KLF5: variants seen among roughly 807,000 people sequenced by gnomAD.
The protein encoded by KLF5 is Krueppel-like factor 5.
Under a neutral mutation model 36.9 loss-of-function variants are expected in KLF5, and 9 were observed. The observed-to-expected ratio is 0.24, with a 90% CI of 0.15 to 0.43. KLF5 has a LOEUF of 0.43. Ranked by LOEUF, KLF5 falls within the 20% of genes least tolerant of loss-of-function variation. The probability of loss-of-function intolerance (pLI) is 1.00; values close to 1 mark genes in which losing one functional copy is unlikely to be tolerated. For synonymous variants in KLF5, 246 were observed against 241.7 expected (o/e 1.02, Z -0.17); for missense variants, 524 against 599.5 (o/e 0.87, Z 1.31).
In KLF5 at chr13:73,061,843, A is replaced by G; in HGVS notation, c.262-18A>G. The G allele has an allele frequency of 2.5e-6, 4 of 1,604,552 alleles. No homozygotes were observed. Among genetic ancestry groups the G allele is most frequent in the Non-Finnish European group, 2.6e-6 (3 of 1,173,110 alleles). ...GTGAATCAGGTGGATTATGCATTTTATATCTCTTCTTTTTTAGACAAGATG... is the reference window on the plus strand; with the variant it reads ...GTGAATCAGGTGGATTATGCATTTTGTATCTCTTCTTTTTTAGACAAGATG... On this transcript the variant is annotated intron_variant, in intron 1 of 3. Transcript: ENST00000377687.
chr13:73,057,661 T>C (rs1301473340), upstream of KLF5, among the ~76,000 whole-genome samples: 2 of 152,206 alleles, frequency 1.3e-5, no homozygotes, highest in Non-Finnish European at 1.5e-5. Flanking sequence ...CTCTTTGAAG[T>C]GAACGTTTTT....
At chr13:73,060,204 G>T (rs2044623886) in intron 1 of KLF5, among the ~76,000 whole-genome samples, 1 of 148,806 alleles carries the variant, frequency 6.7e-6, no homozygotes, top group South Asian at 2.2e-4. Context: ...TTTTCTTCGT[G>T]TGCACGTAAA....
chr13:73,064,793 C>T (rs956958524), intron 3 of KLF5, among the ~76,000 whole-genome samples: 3 of 152,182 alleles, frequency 2.0e-5, no homozygotes, highest in Non-Finnish European at 2.9e-5. Flanking sequence ...CCACCTGCCT[C>T]GGCCTCCCAA....
intron 1 of KLF5, among the ~76,000 whole-genome samples, chr13:73,060,965 G>A (rs2044630564): frequency 6.6e-6 from 1 of 152,132 alleles, no homozygotes; most frequent in African/African-American, 2.4e-5. Flanking sequence ...AAGAAGATAA[G>A]GGATGACTGA....
chr13:73,068,088 G>A (rs979649651), intron 3 of KLF5, among the ~76,000 whole-genome samples: 20 of 151,678 alleles, frequency 1.3e-4, no homozygotes, highest in African/African-American at 4.6e-4. Flanking sequence ...TGATCCACCC[G>A]CCCCAGCCTC....
upstream of KLF5, among the ~76,000 whole-genome samples, chr13:73,057,235 TTAAG>T (rs1316748631): frequency 6.6e-5 from 10 of 152,232 alleles, no homozygotes; most frequent in African/African-American, 2.4e-4. Flanking sequence ...GTTATCAGAA[TTAAG>T]TAACTAAAAA....
rs2044641179 is a variant in KLF5, at chr13:73,062,144, C to T, written c.545C>T (p.Pro182Leu). 5 of 1,614,114 alleles carry T rather than the reference C, an allele frequency of 3.1e-6. No individual in the cohort carries two copies. Among genetic ancestry groups the T allele is most frequent in the Non-Finnish European group, 4.2e-6 (5 of 1,180,024 alleles). Residue 182 changes from proline (P) to leucine (L), a missense_variant, in exon 2 of 4, where the codon CCG becomes CTG. Physicochemically the swap from Pro to Leu is moderately conservative, Grantham distance 98. Transcript: ENST00000377687. ...QSETTAPPPA[P>L]TQALPEFTSI... Reference sequence around the variant, plus strand: ...GAAACGACTGCCCCTCCTCCGGCCCCGACCCAGGCCCTCCCTGAGTTCACC... The same window carrying T: ...GAAACGACTGCCCCTCCTCCGGCCCTGACCCAGGCCCTCCCTGAGTTCACC...
intron 1 of KLF5, chr13:73,059,830 C>A: frequency 2.1e-6 from 2 of 955,760 alleles, no homozygotes; most frequent in Non-Finnish European, 2.5e-6. Context: ...GGCGGGTCGG[C>A]CTGGGAGAGG....
At chr13:73,072,422 T>C (rs1425527149) in intron 3 of KLF5, among the ~76,000 whole-genome samples, 1 of 152,208 alleles carries the variant, frequency 6.6e-6, no homozygotes, top group Non-Finnish European at 1.5e-5. Flanking sequence ...CAGGTTGTGC[T>C]CTCTGTTTCA....
chr13:73,075,533 CTT>C (rs1191266304), intron 3 of KLF5, among the ~76,000 whole-genome samples, 173 bp from the exon 4 acceptor site: 1 of 151,978 alleles, frequency 6.6e-6, no homozygotes, highest in African/African-American at 2.4e-5. Context: ...AGAAATAACT[CTT>C]AACTAGCTTA....
At chr13:73,062,858 A>G in intron 2 of KLF5, 124 bp downstream of exon 2, 1 of 775,864 alleles carries the variant, frequency 1.3e-6, no homozygotes, top group Admixed American at 2.5e-5. Context: ...TTAAATAGGA[A>G]AGTTGTACTT....
intron 3 of KLF5, among the ~76,000 whole-genome samples, chr13:73,073,286 A>G (rs1430943250): frequency 6.6e-6 from 1 of 152,142 alleles, no homozygotes; most frequent in African/African-American, 2.4e-5. Context: ...AAACTGCCCC[A>G]AGTGGGGGGA....
At position 73,060,406 on chromosome 13, in the gene KLF5, C is replaced by G. The variant is rs192527515; in HGVS notation, c.261+818C>G. ...ACCCACATGCAAACAGCTGGAAGAG[C>G]TAAAATCAGAAACCACTAACCGCCG... On this transcript the variant is annotated intron_variant, in intron 1 of 3. Transcript: ENST00000377687. 5.3e-5 allele frequency among the ~76,000 whole-genome samples: 8 copies of G among 152,268 alleles called. No homozygotes were observed. In the East Asian group the frequency reaches 1.4e-3, roughly 26 times the overall value.
chr13:73,058,105 A>G (rs28687595), upstream of KLF5, among the ~76,000 whole-genome samples: 1 of 152,186 alleles, frequency 6.6e-6, no homozygotes, highest in Non-Finnish European at 1.5e-5. Flanking sequence ...CCATTTTTTG[A>G]ACATACAGTG....
In KLF5 at chr13:73,076,580, A is replaced by G. The variant is rs1215486401; in HGVS notation, c.*694A>G. ...GGTACCTCTCAACATTACCAAAATC[A>G]TTTCTTTAGAGGGAAGGAATAATCA... On this transcript the variant is annotated 3_prime_UTR_variant, in exon 4 of 4. Coordinates refer to ENST00000377687, the MANE Select transcript of KLF5 (RefSeq NM_001730.5). 1 of 152,546 alleles carries G rather than the reference A, an allele frequency of 6.6e-6. No individual in the cohort carries two copies. Among genetic ancestry groups the G allele is most frequent in the East Asian group, 1.9e-4 (1 of 5,202 alleles). 9.4% of individuals were successfully genotyped at this position (152,546 alleles called of 1,614,324 possible). A position where few individuals can be genotyped will look rare whatever the true frequency, so the allele number is the denominator to read the frequency against.
chr13:73,063,435 G>A (rs1324782070), intron 2 of KLF5, among the ~76,000 whole-genome samples: 1 of 152,132 alleles, frequency 6.6e-6, no homozygotes, highest in Non-Finnish European at 1.5e-5. Context: ...GAAAAAAGAA[G>A]AAATGTGGGA....
intron 3 of KLF5, among the ~76,000 whole-genome samples, chr13:73,068,281 A>G (rs1473587029): frequency 6.6e-6 from 1 of 152,242 alleles, no homozygotes; most frequent in Non-Finnish European, 1.5e-5. Flanking sequence ...TGTCTTTTGC[A>G]GAAGACTTTA....
intron 3 of KLF5, among the ~76,000 whole-genome samples, chr13:73,069,929 T>C (rs2044710682): frequency 6.6e-6 from 1 of 152,176 alleles, no homozygotes; most frequent in African/African-American, 2.4e-5. Context: ...TAAAAAATAA[T>C]AATACAGTCA....
In KLF5 at chr13:73,063,768, A is replaced by G. The variant is rs2044658159; in HGVS notation, c.1136-56A>G. ...CCAGATTTTAAACACTGAATCATCA[A>G]ATGTAAAGATTTCAAAAGGATCTCC... On this transcript the variant is annotated intron_variant, in intron 2 of 3. Transcript: ENST00000377687. 6 of 1,189,882 alleles carry G rather than the reference A, an allele frequency of 5.0e-6. No homozygotes were observed. The Admixed American group carries it at 5.1e-5, about 10-fold the overall frequency. 73.7% of individuals were successfully genotyped at this position (1,189,882 alleles called of 1,614,324 possible).
Sources: gnomAD v4.1 joint callset for allele counts (sites outside exome capture counted in the v4.1 genomes callset) on GRCh38, gnomAD v4.1.1 for gene constraint, MANE v1.5 for transcripts, NCBI Gene and HGNC (gene_info 2026-07-23, HGNC 2026-07-21) for gene names.